Variants in RNF144A observed in about 807,000 individuals in gnomAD.
RNF144A encodes the protein E3 ubiquitin-protein ligase RNF144A.
RNF144A carries 11 observed loss-of-function variants against 38.7 expected under a neutral mutation model. The observed-to-expected ratio is 0.28, with a 90% confidence interval of 0.18 to 0.47. RNF144A has a LOEUF of 0.47. RNF144A is among the 20% of genes least tolerant of loss of function. RNF144A has a pLI of 0.99. For missense variants in RNF144A, 316 were observed against 377.2 expected (o/e 0.84, Z 1.34); for synonymous variants, 149 against 143.9 (o/e 1.04, Z -0.25).
At chr2:6,927,917 C>T (rs1333085066) in intron 1 of RNF144A, among the ~76,000 whole-genome samples, 1 of 152,192 alleles carries the variant, frequency 6.6e-6, no homozygotes, top group Non-Finnish European at 1.5e-5. Context: ...TGTTTCTTTC[C>T]AGGTTACCAG....
intron 1 of RNF144A, among the ~76,000 whole-genome samples, chr2:6,932,213 C>T (rs377631626): frequency 2.0e-5 from 3 of 152,062 alleles, no homozygotes; most frequent in East Asian, 1.9e-4. Context: ...CTGCTTTATT[C>T]GAAATTAACA....
chr2:6,964,587 TA>T (rs1465385409), intron 2 of RNF144A, among the ~76,000 whole-genome samples: 1 of 152,164 alleles, frequency 6.6e-6, no homozygotes, highest in East Asian at 1.9e-4. Context: ...CCAACTATGA[TA>T]GACTGAATTA....
At chr2:7,058,051 T>C (rs536009601) in intron 6 of RNF144A, among the ~76,000 whole-genome samples, 206 of 152,274 alleles carry the variant, frequency 1.4e-3, no homozygotes, top group African/African-American at 4.8e-3. Flanking sequence ...CCTCACAACA[T>C]GAAAGAGGCA....
chr2:6,926,454 A>G (rs1664873932), intron 1 of RNF144A, among the ~76,000 whole-genome samples: 1 of 152,230 alleles, frequency 6.6e-6, no homozygotes, highest in South Asian at 2.1e-4. Flanking sequence ...AGGCCTTGAT[A>G]AAACTGCCTT....
intron 7 of RNF144A, 35 bp from the exon 8 acceptor site, chr2:7,030,091 C>T (rs779359868): frequency 2.1e-6 from 3 of 1,442,252 alleles, no homozygotes; most frequent in Non-Finnish European, 2.9e-6. Context: ...GCAGGAACCA[C>T]TCGTTCATGC....
At chr2:7,062,881 C>G (rs1354030672) in intron 6 of RNF144A, 2 of 152,230 alleles carry the variant, frequency 1.3e-5, no homozygotes, top group Non-Finnish European at 2.9e-5. Context: ...GTGAACCCAT[C>G]AATCCTCTCC....
chr2:7,032,488 G>A (rs908350350), intron 8 of RNF144A, among the ~76,000 whole-genome samples: 2 of 152,238 alleles, frequency 1.3e-5, no homozygotes, highest in Non-Finnish European at 2.9e-5. Flanking sequence ...TTCTGAAATC[G>A]AGGTGTCAGC....
intron 3 of RNF144A, among the ~76,000 whole-genome samples, chr2:7,000,958 C>T (rs1399684892): frequency 6.6e-6 from 1 of 151,416 alleles, no homozygotes; most frequent in Non-Finnish European, 1.5e-5. Context: ...CCATTAGAAC[C>T]CAGATGACAG....
Position 6,971,130 on chromosome 2 carries a change from G to A in RNF144A, c.-11-25786G>A, listed in dbSNP as rs192873417. 7.0e-4 allele frequency among the ~76,000 whole-genome samples: 107 copies of A among 152,292 alleles called. 1 individual carries two copies. The highest frequency in any genetic ancestry group is 2.5e-3 in the African/African-American group (103 of 41,566). On this transcript the variant is annotated intron_variant, in intron 2 of 8. Transcript: ENST00000320892. ...TGTGTCATTTTACTTTGTGGTGTGTGGTTACTGGGTTTCCTATTGTTCTTT... is the reference window on the plus strand; with the variant it reads ...TGTGTCATTTTACTTTGTGGTGTGTAGTTACTGGGTTTCCTATTGTTCTTT...
At chr2:7,014,690 T>C in intron 4 of RNF144A, 22 bp from the exon 5 acceptor site, 1 of 1,584,744 alleles carries the variant, frequency 6.3e-7, no homozygotes, top group Non-Finnish European at 8.6e-7. Context: ...ATCATTCCTG[T>C]TTGCATTTTT....
At chr2:6,949,817 A>G (rs1229539082) in intron 2 of RNF144A, among the ~76,000 whole-genome samples, 2 of 152,262 alleles carry the variant, frequency 1.3e-5, no homozygotes, top group Non-Finnish European at 2.9e-5. Context: ...TTAAGGAATT[A>G]TGGATAATTT....
At chr2:6,927,946 T>C (rs1664980854) in intron 1 of RNF144A, among the ~76,000 whole-genome samples, 2 of 152,224 alleles carry the variant, frequency 1.3e-5, no homozygotes, top group South Asian at 2.1e-4. Flanking sequence ...CCAGCTCTTC[T>C]AGAGTGCTTA....
intron 1 of RNF144A, chr2:6,918,763 C>CAAAAAAAAAAAAAA (rs5829089): frequency 3.3e-4 from 16 of 48,812 alleles, no homozygotes; most frequent in Non-Finnish European, 5.0e-4. Context: ...GACTCCGTCT[C>CAAAAAAAAAAAAAA]AAAAAAAAAA....
At chr2:6,972,788 C>T (rs1159867623) in intron 2 of RNF144A, among the ~76,000 whole-genome samples, 2 of 152,206 alleles carry the variant, frequency 1.3e-5, no homozygotes, top group Non-Finnish European at 2.9e-5. Context: ...AGAAAAGGAC[C>T]TACAGAGGCT....
At chr2:7,050,058 G>A (rs1251913654) in intron 6 of RNF144A, among the ~76,000 whole-genome samples, 1 of 152,196 alleles carries the variant, frequency 6.6e-6, no homozygotes. Flanking sequence ...TGACTTTGAA[G>A]GAAGAACTGT....
intron 8 of RNF144A, among the ~76,000 whole-genome samples, chr2:7,038,537 T>G (rs1376831915): frequency 6.6e-6 from 1 of 152,118 alleles, no homozygotes; most frequent in Non-Finnish European, 1.5e-5. Context: ...AGAGGAAACT[T>G]GTTAGTTAAT....
intron 3 of RNF144A, among the ~76,000 whole-genome samples, chr2:7,007,355 C>G (rs1036867553): frequency 6.6e-6 from 1 of 152,244 alleles, no homozygotes; most frequent in Non-Finnish European, 1.5e-5. Flanking sequence ...GAAAGTGTCA[C>G]ACGATTACAA....
At chr2:6,946,394 C>G (rs974364930) in intron 2 of RNF144A, among the ~76,000 whole-genome samples, 1 of 152,168 alleles carries the variant, frequency 6.6e-6, no homozygotes, top group African/African-American at 2.4e-5. Context: ...TGATTTAAAC[C>G]TGACCTTACT....
intron 5 of RNF144A, among the ~76,000 whole-genome samples, chr2:7,018,606 G>A (rs1671302099): frequency 6.6e-6 from 1 of 152,222 alleles, no homozygotes. Context: ...GTGACCCACA[G>A]ACAACAACTG....
Sources: allele counts gnomAD v4.1 joint callset (sites outside exome capture counted in the v4.1 genomes callset), GRCh38; gene constraint gnomAD v4.1.1; transcripts MANE v1.5; gene names NCBI Gene and HGNC (gene_info 2026-07-23, HGNC 2026-07-21).